Variants in CDON observed in about 807,000 individuals in gnomAD.
The protein encoded by CDON is cell adhesion associated, oncogene regulated, also known as cell adhesion molecule-related/down-regulated by oncogenes.
A neutral mutation model predicts 120.9 loss-of-function variants in CDON; 73 were observed. The observed-to-expected ratio is 0.60, with a 90% confidence interval of 0.50 to 0.73. CDON has a LOEUF of 0.73. Ranked by LOEUF, CDON falls within the 30% of genes least tolerant of loss-of-function variation. The pLI, the probability that CDON is intolerant of heterozygous loss-of-function variation, is 0.00. For synonymous variants in CDON, 566 were observed against 573.5 expected (o/e 0.99, Z 0.19); for missense variants, 1,470 against 1,587.3 (o/e 0.93, Z 1.26).
chr11:126,010,403 T>G lies in CDON; in HGVS notation c.1490A>C (p.Lys497Thr). The G allele has an allele frequency of 6.2e-7, 1 of 1,614,110 alleles. No individual in the cohort carries two copies. The highest frequency in any genetic ancestry group is 8.5e-7 in the Non-Finnish European group (1 of 1,179,994). ...IQAVTQEHAG[K>T]YICEAANEHG... Reference sequence around the variant, plus strand: ...TTCATTTGCAGCTTCGCAGATGTATTTCCCCGCATGTTCCTGAGTCACAGC... The same window carrying G: ...TTCATTTGCAGCTTCGCAGATGTATGTCCCCGCATGTTCCTGAGTCACAGC... The change falls in exon 8 of 20, where the codon AAA becomes ACA. Residue 497 changes from lysine (K) to threonine (T), a missense_variant. Transcript: ENST00000531738.
At chr11:125,962,111 A>G in intron 18 of CDON, 113 bp from the exon 19 acceptor site, 1 of 831,338 alleles carries the variant, frequency 1.2e-6, no homozygotes, top group Non-Finnish European at 2.0e-6. Context: ...CTTAAGAAAG[A>G]GTGATGCTTA....
intron 1 of CDON, among the ~76,000 whole-genome samples, chr11:126,024,368 G>C (rs1947728334): frequency 6.6e-6 from 1 of 152,220 alleles, no homozygotes; most frequent in South Asian, 2.1e-4. Flanking sequence ...GACAGATGAG[G>C]ACACAGTGGT....
chr11:126,047,652 G>C (rs1240318948), intron 1 of CDON, among the ~76,000 whole-genome samples: 1 of 152,112 alleles, frequency 6.6e-6, no homozygotes, highest in Non-Finnish European at 1.5e-5. Context: ...AGACTAAATG[G>C]GATGATCCCA....
rs1946285938 is a variant in CDON at position 125,981,178 on chromosome 11, A to G, written c.3147T>C (p.Leu1049=). ...NGGLSSGYSH[L]HHKVPNAVNG... ...TGACTGCATTGGGGACCTTATGGTG[A>G]AGGTGGGAATAGCCACTGCTGAGAC... Residue 1049 remains leucine (L), a synonymous_variant, in exon 17 of 20, where the codon CTT becomes CTC. Transcript: ENST00000531738. 2 of 1,614,062 alleles carry G rather than the reference A, an allele frequency of 1.2e-6. No homozygotes were observed. The highest frequency in any genetic ancestry group is 1.3e-5 in the African/African-American group (1 of 74,912).
intron 1 of CDON, among the ~76,000 whole-genome samples, chr11:126,061,739 A>C (rs1004149561): frequency 1.3e-5 from 2 of 152,358 alleles, no homozygotes; most frequent in Admixed American, 6.5e-5. Context: ...ACAAAGGCTG[A>C]CTTTCTGTTG....
At chr11:126,052,483 G>C (rs11220326) in intron 1 of CDON, among the ~76,000 whole-genome samples, 31,366 of 152,106 alleles carry the variant, frequency 0.21, 3,525 homozygotes, top group Admixed American at 0.28. Context: ...TCCTCATCCA[G>C]GGATTCAACC....
intron 18 of CDON, among the ~76,000 whole-genome samples, chr11:125,968,519 G>A (rs1013810205): frequency 9.2e-5 from 14 of 152,300 alleles, no homozygotes; most frequent in Admixed American, 4.6e-4. Context: ...GCTAACAGGC[G>A]TATGAAATAC....
intron 1 of CDON, among the ~76,000 whole-genome samples, chr11:126,029,182 A>C (rs550553486): frequency 7.2e-5 from 11 of 152,324 alleles, no homozygotes; most frequent in African/African-American, 2.6e-4. Flanking sequence ...GGCATAAAGC[A>C]ACTTTCACTC....
At chr11:125,984,926 T>G (rs189901044) in intron 15 of CDON, among the ~76,000 whole-genome samples, 73 of 152,256 alleles carry the variant, frequency 4.8e-4, no homozygotes, top group African/African-American at 1.7e-3. Context: ...TTGGAGCCCG[T>G]GTAGGTGCAG....
At chr11:126,030,514 C>T (rs1001615754) in intron 1 of CDON, among the ~76,000 whole-genome samples, 1 of 152,098 alleles carries the variant, frequency 6.6e-6, no homozygotes, top group Middle Eastern at 3.2e-3. Context: ...TATAGTTCTT[C>T]AAAATAGGAA....
chr11:125,961,597 C>T (rs979859836), intron 19 of CDON, 127 bp downstream of exon 19: 13 of 1,303,032 alleles, frequency 1.0e-5, no homozygotes, highest in Non-Finnish European at 1.4e-5. Context: ...CAGCACCCCA[C>T]CCAGTCTCCC....
chr11:126,007,726 G>C (rs921216934), intron 8 of CDON, among the ~76,000 whole-genome samples: 1 of 152,178 alleles, frequency 6.6e-6, no homozygotes, highest in Non-Finnish European at 1.5e-5. Context: ...TAAGACTTAA[G>C]ATGCAATGAG....
At chr11:125,987,161 A>C (rs1946491359) in intron 15 of CDON, among the ~76,000 whole-genome samples, 2 of 152,228 alleles carry the variant, frequency 1.3e-5, no homozygotes, top group Admixed American at 1.3e-4. Context: ...TCTGGTTTCC[A>C]ACCCCTTGCT....
intron 1 of CDON, among the ~76,000 whole-genome samples, chr11:126,061,761 T>C (rs962604189): frequency 1.3e-5 from 2 of 152,254 alleles, no homozygotes; most frequent in African/African-American, 2.4e-5. Flanking sequence ...TGAGGTTCTC[T>C]AAATTCTGGA....
At chr11:125,974,806 T>G (rs1946108528) in intron 18 of CDON, among the ~76,000 whole-genome samples, 1 of 152,110 alleles carries the variant, frequency 6.6e-6, no homozygotes, top group African/African-American at 2.4e-5. Context: ...AAAACCAAAT[T>G]TATCACCTTT....
intron 1 of CDON, among the ~76,000 whole-genome samples, chr11:126,043,134 G>A (rs1269314536): frequency 6.6e-6 from 1 of 152,216 alleles, no homozygotes; most frequent in Non-Finnish European, 1.5e-5. Flanking sequence ...ATTGTGGGCT[G>A]AGTCTTCGTT....
At chr11:125,976,813 A>G (rs1212590022) in intron 18 of CDON, among the ~76,000 whole-genome samples, 4 of 152,210 alleles carry the variant, frequency 2.6e-5, no homozygotes, top group Non-Finnish European at 1.5e-5. Context: ...ATCTTACATT[A>G]CCTAGGACAA....
chr11:126,040,523 T>C (rs1420314170), intron 1 of CDON, among the ~76,000 whole-genome samples: 2 of 152,112 alleles, frequency 1.3e-5, no homozygotes, highest in Middle Eastern at 3.2e-3. Flanking sequence ...TAATTAAAAA[T>C]AGGTACTAAA....
chr11:126,010,208 C>T, intron 8 of CDON, 133 bp downstream of exon 8: 1 of 700,770 alleles, frequency 1.4e-6, no homozygotes, highest in Non-Finnish European at 2.4e-6. Context: ...AAATACAGTT[C>T]TACATTTCAC....
Sources: allele counts gnomAD v4.1 joint callset (sites outside exome capture counted in the v4.1 genomes callset), GRCh38; gene constraint gnomAD v4.1.1; transcripts MANE v1.5; gene names NCBI Gene and HGNC (gene_info 2026-07-23, HGNC 2026-07-21).